The following NPAS3 variants were observed in gnomAD, a reference collection of about 807,000 sequenced individuals.
The protein encoded by NPAS3 is neuronal PAS domain-containing protein 3.
A neutral mutation model predicts 73.1 loss-of-function variants in NPAS3; 14 were observed. That is an observed-to-expected ratio of 0.19 (90% CI 0.13 to 0.30). The LOEUF is 0.30. NPAS3 is among the 10% of genes least tolerant of loss of function. The pLI is 1.00. For missense variants in NPAS3, 1,096 were observed against 1,250.0 expected (o/e 0.88, Z 1.86); for synonymous variants, 620 against 541.5 (o/e 1.14, Z -2.01).
chr14:33,247,035 A>G (rs1304822998), intron 3 of NPAS3, among the ~76,000 whole-genome samples: 3 of 151,622 alleles, frequency 2.0e-5, no homozygotes, highest in African/African-American at 7.3e-5. Flanking sequence ...AAACAAACAA[A>G]AAAGAGAAAG....
intron 6 of NPAS3, among the ~76,000 whole-genome samples, chr14:33,721,261 G>A (rs973381566): frequency 6.6e-6 from 1 of 152,090 alleles, no homozygotes; most frequent in Admixed American, 6.6e-5. Flanking sequence ...TTACCTGGTC[G>A]GGGAGAGGTA....
chr14:33,670,873 T>C (rs2059592526), intron 5 of NPAS3, among the ~76,000 whole-genome samples: 1 of 144,792 alleles, frequency 6.9e-6, no homozygotes, highest in African/African-American at 2.5e-5. Flanking sequence ...GAAGGACTCC[T>C]GAGAAAGAGA....
chr14:33,376,293 TTTTA>T (rs1361808174), intron 4 of NPAS3, among the ~76,000 whole-genome samples: 1 of 152,206 alleles, frequency 6.6e-6, no homozygotes, highest in East Asian at 1.9e-4. Context: ...GTTTAACATC[TTTTA>T]TTTAAACAAT....
intron 2 of NPAS3, among the ~76,000 whole-genome samples, chr14:33,147,882 A>C (rs762297404): frequency 1.5e-4 from 23 of 151,840 alleles, no homozygotes; most frequent in Non-Finnish European, 2.9e-4. Flanking sequence ...TAAATACAGT[A>C]AGAAAATTTT....
chr14:33,181,759 A>G (rs764855276), intron 2 of NPAS3, among the ~76,000 whole-genome samples: 17 of 152,224 alleles, frequency 1.1e-4, no homozygotes, highest in Non-Finnish European at 2.4e-4. Context: ...GGGCTCATGC[A>G]TATTTTTCTC....
chr14:33,191,865 A>C (rs1566658481), intron 2 of NPAS3, among the ~76,000 whole-genome samples: 1 of 152,238 alleles, frequency 6.6e-6, no homozygotes, highest in Non-Finnish European at 1.5e-5. Context: ...TAAATTTTTA[A>C]AAATAAGACT....
At position 33,800,617 on chromosome 14, in the gene NPAS3, CGGCGGCGCGGGG is replaced by C. The variant is rs1038697388; in HGVS notation, c.2318_2329del (p.Ala773_Gly776del). ...ACGGCGGCGGGGGCGGGGGCGGGGG[CGGCGGCGCGGGG>C]GGCGGCGGCCCCAGCGCGTCCAACT... On this transcript the variant is annotated inframe_deletion, in exon 12 of 12. Coordinates refer to ENST00000356141, the Ensembl canonical transcript of NPAS3. This position sits in a 1 kb window ranked among gnomAD's most constrained non-coding sequence, Gnocchi z 6.5. 11 of 1,345,970 alleles carry C rather than the reference CGGCGGCGCGGGG, an allele frequency of 8.2e-6. No homozygotes were observed. The highest frequency in any genetic ancestry group is 6.3e-5 in the African/African-American group (4 of 63,918). The allele number at this position is 1,345,970 out of a possible 1,614,324, so 83.4% of individuals were successfully genotyped here.
chr14:33,669,562 G>A (rs777714043), intron 5 of NPAS3, among the ~76,000 whole-genome samples: 4 of 152,134 alleles, frequency 2.6e-5, no homozygotes, highest in Non-Finnish European at 5.9e-5. Context: ...CCTGATCTAA[G>A]ATTACAAGAA....
intron 2 of NPAS3, among the ~76,000 whole-genome samples, chr14:33,157,341 T>G (rs1193221060): frequency 6.6e-6 from 1 of 152,236 alleles, no homozygotes; most frequent in African/African-American, 2.4e-5. Context: ...TCATATCTTG[T>G]ACCCACAGGG....
chr14:33,481,954 G>T (rs1001924811), intron 4 of NPAS3, among the ~76,000 whole-genome samples: 1 of 151,674 alleles, frequency 6.6e-6, no homozygotes, highest in Non-Finnish European at 1.5e-5. Flanking sequence ...AAAGATACCA[G>T]TGTAGGTAAG....
chr14:33,407,893 G>A (rs930617662), intron 4 of NPAS3, among the ~76,000 whole-genome samples: 17 of 152,112 alleles, frequency 1.1e-4, no homozygotes, highest in South Asian at 6.2e-4. Context: ...AGCATAGGTC[G>A]GATGCTTCAT....
At chr14:33,146,642 T>C (rs2044246544) in intron 2 of NPAS3, among the ~76,000 whole-genome samples, 1 of 152,170 alleles carries the variant, frequency 6.6e-6, no homozygotes, top group East Asian at 1.9e-4. Flanking sequence ...TAAAAGACTG[T>C]TCTGGAGAGG....
intron 2 of NPAS3, among the ~76,000 whole-genome samples, chr14:33,208,940 G>A (rs535278112): frequency 6.6e-6 from 1 of 152,248 alleles, no homozygotes; most frequent in South Asian, 2.1e-4. Context: ...GGCAAAATGT[G>A]CATCTATATT....
rs183917857 is a variant in NPAS3 at position 33,634,692 on chromosome 14, G to C, written c.559-41519G>C. Among the ~76,000 whole-genome samples the C allele has an allele frequency of 3.3e-5, 5 of 152,282 alleles. No homozygotes were observed. The East Asian group carries it at 9.7e-4, about 29-fold the overall frequency. ...GTTGGGGGAATAGGTTTGGGGATAC[G>C]GGGAGGAAAGACCAAAGGAGATTCA... On this transcript the variant is annotated intron_variant, in intron 5 of 11. Coordinates refer to ENST00000356141, the Ensembl canonical transcript of NPAS3.
chr14:33,523,919 G>A (rs1359942203), intron 4 of NPAS3, among the ~76,000 whole-genome samples: 5 of 152,150 alleles, frequency 3.3e-5, no homozygotes, highest in Non-Finnish European at 7.4e-5. Context: ...CTTGAGACAA[G>A]AGAAAGGTTA....
At chr14:33,382,419 G>T (rs966942087) in intron 4 of NPAS3, among the ~76,000 whole-genome samples, 5 of 152,092 alleles carry the variant, frequency 3.3e-5, no homozygotes, top group Non-Finnish European at 7.4e-5. Context: ...AGGTAGGGCT[G>T]GGGGGACAAG....
chr14:33,556,048 G>A (rs935378709), intron 4 of NPAS3, among the ~76,000 whole-genome samples: 1 of 152,034 alleles, frequency 6.6e-6, no homozygotes, highest in Non-Finnish European at 1.5e-5. Flanking sequence ...AATCTCACCA[G>A]GAAATTGGAA....
At chr14:33,378,401 T>G (rs1296797599) in intron 4 of NPAS3, among the ~76,000 whole-genome samples, 2 of 152,080 alleles carry the variant, frequency 1.3e-5, no homozygotes, top group Non-Finnish European at 2.9e-5. Context: ...ATATTCCCTT[T>G]TTAAGTTTGG....
At chr14:33,313,831 C>T (rs532293320) in intron 3 of NPAS3, among the ~76,000 whole-genome samples, 2 of 151,940 alleles carry the variant, frequency 1.3e-5, no homozygotes, top group Non-Finnish European at 2.9e-5. Flanking sequence ...TCTCTATAAT[C>T]GTGACATATT....
Sources: gnomAD v4.1 joint callset for allele counts (sites outside exome capture counted in the v4.1 genomes callset) on GRCh38, gnomAD v4.1.1 for gene constraint, Gnocchi (gnomAD v3.1) non-coding constraint, MANE v1.5 for transcripts, NCBI Gene and HGNC (gene_info 2026-07-23, HGNC 2026-07-21) for gene names.